Variants in CDC42BPA observed in about 807,000 individuals in gnomAD.
CDC42BPA encodes the protein serine/threonine-protein kinase MRCK alpha.
CDC42BPA carries 80 observed loss-of-function variants against 223.5 expected under a neutral mutation model. The observed-to-expected ratio is 0.36, with a 90% confidence interval of 0.30 to 0.43. The LOEUF is 0.43. CDC42BPA is among the 20% of genes least tolerant of loss of function. The pLI, the probability that CDC42BPA is intolerant of heterozygous loss-of-function variation, is 1.00. For synonymous variants in CDC42BPA, 694 were observed against 718.6 expected, an observed-to-expected ratio of 0.97 and a Z score of 0.55; for missense variants, 1,743 against 2,099.9, an observed-to-expected ratio of 0.83 and a Z score of 3.32.
chr1:227,226,354 G>T (rs1031018381), intron 2 of CDC42BPA, among the ~76,000 whole-genome samples: 1 of 152,176 alleles, frequency 6.6e-6, no homozygotes, highest in Non-Finnish European at 1.5e-5. Flanking sequence ...AGAAAATCCG[G>T]TAATTTTGAA....
chr1:227,046,205 T>C (rs1399910025), intron 23 of CDC42BPA, among the ~76,000 whole-genome samples: 1 of 140,840 alleles, frequency 7.1e-6, no homozygotes, highest in African/African-American at 2.7e-5. Flanking sequence ...ATTTTGTGTC[T>C]ATCTATGTGT....
At chr1:227,244,557 G>C (rs1280061522) in intron 2 of CDC42BPA, among the ~76,000 whole-genome samples, 1 of 151,950 alleles carries the variant, frequency 6.6e-6, no homozygotes, top group East Asian at 1.9e-4. Flanking sequence ...TCTGCTTGAT[G>C]GTTTATACAA....
intron 6 of CDC42BPA, 105 bp downstream of exon 6, chr1:227,160,438 G>T: frequency 2.6e-6 from 2 of 783,410 alleles, no homozygotes; most frequent in East Asian, 5.1e-5. Flanking sequence ...ACAAATGGAT[G>T]GATGGGTAGA....
intron 2 of CDC42BPA, among the ~76,000 whole-genome samples, chr1:227,222,307 G>A (rs540995655): frequency 7.2e-5 from 11 of 152,096 alleles, no homozygotes; most frequent in African/African-American, 2.7e-4. Flanking sequence ...TTAGGAGTTT[G>A]AGACCAGCCT....
chr1:227,124,759 G>GCTCCTT (rs955533754), intron 11 of CDC42BPA, among the ~76,000 whole-genome samples: 3 of 152,230 alleles, frequency 2.0e-5, no homozygotes, highest in African/African-American at 7.2e-5. Flanking sequence ...TATCCTGGAG[G>GCTCCTT]CAATGAGGAT....
chr1:227,106,269 T>A (rs937583022), intron 14 of CDC42BPA, among the ~76,000 whole-genome samples: 2 of 152,190 alleles, frequency 1.3e-5, no homozygotes, highest in Admixed American at 6.5e-5. Context: ...TTCAAGTCTT[T>A]TGCCCATTTT....
At chr1:227,021,225 A>T (rs1667315147) in intron 32 of CDC42BPA, among the ~76,000 whole-genome samples, 1 of 152,160 alleles carries the variant, frequency 6.6e-6, no homozygotes. Context: ...GCTGTTGGGA[A>T]AATGGCACTG....
At chr1:227,298,364 T>TG (rs1043400563) in intron 1 of CDC42BPA, among the ~76,000 whole-genome samples, 1 of 152,084 alleles carries the variant, frequency 6.6e-6, no homozygotes, top group African/African-American at 2.4e-5. Context: ...GCATTTTTTT[T>TG]GTAATAATAT....
chr1:227,207,815 G>A lies in CDC42BPA; in HGVS notation c.354+5321C>T, dbSNP rs372789714. 1.7e-4 allele frequency among the ~76,000 whole-genome samples: 21 copies of A among 123,960 alleles called. No individual in the cohort carries two copies. The East Asian group carries it at 3.3e-3, about 20-fold the overall frequency. The allele number at this position is 123,960 out of a possible 152,430, so 81.3% of individuals were successfully genotyped here. ...AGTCTTTGCTATTGTGAATAATGCC[G>A]CAATAAACATACGTGTGCATGTGTC... On this transcript the variant is annotated intron_variant, in intron 3 of 36. Transcript: ENST00000366766.
At chr1:227,214,708 G>A (rs1674526072) in intron 2 of CDC42BPA, among the ~76,000 whole-genome samples, 1 of 152,140 alleles carries the variant, frequency 6.6e-6, no homozygotes, top group Middle Eastern at 3.2e-3. Context: ...ATAGCTGAAA[G>A]ACTCCAAAAC....
chr1:227,019,426 T>A (rs1666949600), intron 32 of CDC42BPA, among the ~76,000 whole-genome samples: 1 of 152,224 alleles, frequency 6.6e-6, no homozygotes, highest in Non-Finnish European at 1.5e-5. Flanking sequence ...AGGGCTGGAA[T>A]CTGCTTCTTC....
intron 1 of CDC42BPA, among the ~76,000 whole-genome samples, chr1:227,275,391 C>A (rs182063065): frequency 2.7e-5 from 4 of 150,180 alleles, no homozygotes; most frequent in African/African-American, 9.7e-5. Flanking sequence ...AATCATAGAA[C>A]TTTAAAAGAT....
At chr1:227,163,162 G>A (rs57717956) in intron 5 of CDC42BPA, among the ~76,000 whole-genome samples, 4,106 of 148,894 alleles carry the variant, frequency 0.028, 172 homozygotes, top group African/African-American at 0.097. Flanking sequence ...ACATATATGT[G>A]TGTATATGTT....
chr1:227,277,281 A>C (rs1687268231), intron 1 of CDC42BPA, among the ~76,000 whole-genome samples: 1 of 152,176 alleles, frequency 6.6e-6, no homozygotes, highest in Non-Finnish European at 1.5e-5. Flanking sequence ...TTGAATCCAT[A>C]ATTTAAAATC....
At chr1:227,030,326 T>C in intron 29 of CDC42BPA, 82 bp downstream of exon 29, 1 of 811,504 alleles carries the variant, frequency 1.2e-6, no homozygotes, top group South Asian at 1.6e-5. Context: ...CAAATCCTGC[T>C]CTTTGTAGAA....
intron 6 of CDC42BPA, among the ~76,000 whole-genome samples, chr1:227,150,579 T>A (rs1661557591): frequency 6.6e-6 from 1 of 152,114 alleles, no homozygotes; most frequent in African/African-American, 2.4e-5. Context: ...CACTAAAGGG[T>A]ATACTTCGGA....
chr1:227,092,976 AT>A, intron 15 of CDC42BPA, among the ~76,000 whole-genome samples: 1 of 152,184 alleles, frequency 6.6e-6, no homozygotes, highest in East Asian at 1.9e-4. Context: ...ATTTAAAAAA[AT>A]CAACATTACT....
chr1:226,995,653 C>T (rs575547025), intron 35 of CDC42BPA, among the ~76,000 whole-genome samples: 14 of 152,232 alleles, frequency 9.2e-5, no homozygotes, highest in Non-Finnish European at 1.9e-4. Flanking sequence ...AACTCACTCT[C>T]TATTTTGTTC....
chr1:227,231,370 T>A (rs1386902285), intron 2 of CDC42BPA, among the ~76,000 whole-genome samples: 2 of 152,104 alleles, frequency 1.3e-5, no homozygotes, highest in Non-Finnish European at 2.9e-5. Context: ...ATTTTCTTAA[T>A]CCAATCTATC....
Sources: allele counts gnomAD v4.1 joint callset (sites outside exome capture counted in the v4.1 genomes callset), GRCh38; gene constraint gnomAD v4.1.1; transcripts MANE v1.5; gene names NCBI Gene and HGNC (gene_info 2026-07-23, HGNC 2026-07-21).